Variants in PLEC observed in about 807,000 individuals in gnomAD.
PLEC encodes the protein plectin, also known as hemidesmosomal protein 1.
Under a neutral mutation model 392.8 loss-of-function variants are expected in PLEC, and 216 were observed. That is an observed-to-expected ratio of 0.55 (90% CI 0.49 to 0.62). PLEC has a LOEUF of 0.62. Ranked by LOEUF, PLEC falls within the 20% of genes least tolerant of loss-of-function variation. The probability of loss-of-function intolerance (pLI) is 0.00; values close to 1 mark genes in which losing one functional copy is unlikely to be tolerated. For missense variants in PLEC, 6,863 were observed against 6,563.4 expected (o/e 1.05, Z -1.58); for synonymous variants, 3,621 against 2,980.6 (o/e 1.21, Z -7.00).
At chr8:143,944,986 G>A (rs1831229176) in intron 1 of PLEC, among the ~76,000 whole-genome samples, 1 of 148,390 alleles carries the variant, frequency 6.7e-6, no homozygotes, top group Non-Finnish European at 1.5e-5. Context: ...GCTCCCACAG[G>A]GGGTTCTAAT....
At position 143,932,728 on chromosome 8, in the gene PLEC, C is replaced by G. The variant is rs782718466; in HGVS notation, c.1738-16G>C. On this transcript the variant is annotated splice_polypyrimidine_tract_variant and intron_variant, in intron 14 of 31. Coordinates refer to ENST00000345136, the MANE Select transcript of PLEC (RefSeq NM_201384.3). ...AGAGCTGGCCCTGCAACAGATGAGA[C>G]GGTGAGGTCTGCAGTGGCTGGGCCC... 2.5e-6 allele frequency: 4 copies of G among 1,607,416 alleles called. No individual in the cohort carries two copies. In the South Asian group the frequency reaches 4.4e-5, roughly 18 times the overall value.
At position 143,919,914 on chromosome 8, in the gene PLEC, G is replaced by C; in HGVS notation, c.9907C>G (p.Leu3303Val). The C allele has an allele frequency of 6.2e-7, 1 of 1,613,174 alleles. No individual in the cohort carries two copies. Among genetic ancestry groups the C allele is most frequent in the South Asian group, 1.1e-5 (1 of 91,092 alleles). The change falls in exon 32 of 32, where the codon CTG (leucine) becomes GTG (valine). Residue 3303 changes from leucine to valine, a missense_variant. By Grantham distance (32) the Leu-to-Val change is conservative. Coordinates refer to ENST00000345136, the MANE Select transcript of PLEC (RefSeq NM_201384.3). ...EEVETLRQER[L>V]SFSGLRAPVP... ...GGGGCACGGAGGCCGCTGAAGGACAGCCTCTCCTGCCGCAGGGTCTCCACC... is the reference window on the plus strand; with the variant it reads ...GGGGCACGGAGGCCGCTGAAGGACACCCTCTCCTGCCGCAGGGTCTCCACC...
chr8:143,952,478 GAAC>G (rs1286769562), upstream of PLEC, among the ~76,000 whole-genome samples: 75 of 152,234 alleles, frequency 4.9e-4, no homozygotes, highest in African/African-American at 1.8e-3. Context: ...GTGGCTTTGG[GAAC>G]AACACCAGCT....
chr8:143,972,256 C>T (rs782751551), intron 1 of PLEC, among the ~76,000 whole-genome samples: 20 of 152,184 alleles, frequency 1.3e-4, no homozygotes, highest in African/African-American at 3.9e-4. Flanking sequence ...AAGGCAGGGC[C>T]GGCCATGTAG....
rs1554721382 is a variant in PLEC at position 143,934,795 on chromosome 8, C to T, written c.945+15G>A. 1.2e-6 allele frequency: 2 copies of T among 1,611,568 alleles called. No homozygotes were observed. The highest frequency in any genetic ancestry group is 8.5e-7 in the Non-Finnish European group (1 of 1,179,832). The stretch of plus-strand genomic sequence containing the variant: ...CAGGGCAGGCCCAGGACCCCGCCCC[C>T]CACGGCAGGCCCACCTCAATCTCCT... On this transcript the variant is annotated intron_variant, in intron 9 of 31. Coordinates refer to ENST00000345136, the MANE Select transcript of PLEC (RefSeq NM_201384.3).
intron 19 of PLEC, among the ~76,000 whole-genome samples, 188 bp from the exon 20 acceptor site, chr8:143,930,724 C>T (rs1456737135): frequency 6.6e-6 from 1 of 152,094 alleles, no homozygotes; most frequent in Admixed American, 6.5e-5. Context: ...TGCACCCTCG[C>T]TCCTTCCCAA....
In PLEC at chr8:143,917,597, T is replaced by C; in HGVS notation, c.12224A>G (p.Glu4075Gly). 6.2e-7 allele frequency: 1 copy of C among 1,613,792 alleles called. No homozygotes were observed. Among genetic ancestry groups the C allele is most frequent in the Non-Finnish European group, 8.5e-7 (1 of 1,179,996 alleles). ...VAYKRGLFDE[E>G]MNEILTDPSD... The stretch of plus-strand genomic sequence containing the variant: ...GGGGTCGGTCAGGATCTCGTTCATC[T>C]CCTCATCGAAGAGGCCGCGCTTGTA... The change falls in exon 32 of 32, where the codon GAG becomes GGG. Residue 4075 changes from glutamate to glycine, a missense_variant. By Grantham distance (98) the Glu-to-Gly change is moderately conservative. Transcript: ENST00000345136.
At chr8:143,949,034 G>A (rs1225236820) in intron 1 of PLEC, among the ~76,000 whole-genome samples, 11 of 152,184 alleles carry the variant, frequency 7.2e-5, no homozygotes, top group Non-Finnish European at 1.5e-4. Context: ...AGCCAGGAGG[G>A]GAGGCCAGCC....
At position 143,919,542 on chromosome 8, in the gene PLEC, G is replaced by A; in HGVS notation, c.10279C>T (p.Leu3427=). The A allele has an allele frequency of 6.2e-7, 1 of 1,610,530 alleles. No homozygotes were observed. The highest frequency in any genetic ancestry group is 8.5e-7 in the Non-Finnish European group (1 of 1,179,322). ...CCGGTGACGGCCTTCTCGGCAGACA[G>A]CAGCTGCTCGTGAAGCTCGGGGCCC... The part of the protein sequence containing the change: ...VVGPELHEQL[L]SAEKAVTGYR... Residue 3427 remains leucine, a synonymous_variant, in exon 32 of 32, where the codon CTG becomes TTG. Transcript: ENST00000345136.
At chr8:143,931,874 G>A in intron 18 of PLEC, 63 bp downstream of exon 18, 1 of 1,479,202 alleles carries the variant, frequency 6.8e-7, no homozygotes, top group Non-Finnish European at 9.3e-7. Flanking sequence ...GCTGCCGAGG[G>A]GGTCCAGGGG....
At chr8:143,949,797 C>G (rs368906688) in intron 1 of PLEC, among the ~76,000 whole-genome samples, 1 of 152,218 alleles carries the variant, frequency 6.6e-6, no homozygotes, top group South Asian at 2.1e-4. Context: ...CACACCCAAC[C>G]GGCGCCAGCA....
Position 143,923,694 on chromosome 8 carries a change from G to T in PLEC, c.6235C>A (p.Leu2079Met). The T allele has an allele frequency of 6.5e-7, 1 of 1,545,924 alleles. No individual in the cohort carries two copies. The highest frequency in any genetic ancestry group is 8.7e-7 in the Non-Finnish European group (1 of 1,151,826). ...CGGGCCGCCTCCGCCTCGCCGCGCAGCTGGTCCAGCACGCTCTGCTCCTGC... is the reference window on the plus strand; with the variant it reads ...CGGGCCGCCTCCGCCTCGCCGCGCATCTGGTCCAGCACGCTCTGCTCCTGC... ...LQQEQSVLDQ[L>M]RGEAEAARRA... The change falls in exon 31 of 32, where the codon CTG (leucine) becomes ATG (methionine). Residue 2079 changes from leucine (L) to methionine (M), a missense_variant. Coordinates refer to ENST00000345136, the MANE Select transcript of PLEC (RefSeq NM_201384.3).
rs1554712392 is a variant in PLEC at position 143,929,930 on chromosome 8, G to A, written c.2739+6C>T. 1.2e-6 allele frequency: 2 copies of A among 1,609,020 alleles called. No individual in the cohort carries two copies. The highest frequency in any genetic ancestry group is 1.7e-5 in the Admixed American group (1 of 59,894). On this transcript the variant is annotated splice_donor_region_variant and intron_variant, in intron 22 of 31. Coordinates refer to ENST00000345136, the MANE Select transcript of PLEC (RefSeq NM_201384.3). Reference sequence around the variant, plus strand: ...CAGAGAGCCCCCGGCTCGGGGGCAGGCGTACCGTGGCCAGGGACCAGGAGC... The same window carrying A: ...CAGAGAGCCCCCGGCTCGGGGGCAGACGTACCGTGGCCAGGGACCAGGAGC...
rs549098011 is a variant in PLEC at position 143,924,903 on chromosome 8, G to A, written c.5026C>T (p.Arg1676Cys). The A allele has an allele frequency of 1.2e-4, 195 of 1,587,400 alleles. No individual in the cohort carries two copies. Among genetic ancestry groups the A allele is most frequent in the South Asian group, 1.1e-3 (102 of 89,436 alleles). ...ACGGCCTGCTCCTCCGCCTTGCCGC[G>A]CCGCCGCGCCTCGCGCTCCGCCTCC... ...KEEAEREARR[R>C]GKAEEQAVRQ... The change falls in exon 31 of 32, where the codon CGC (arginine) becomes TGC (cysteine). Residue 1676 changes from arginine (R) to cysteine (C), a missense_variant. Arg to Cys is a radical substitution (Grantham distance 180). Transcript: ENST00000345136.
rs1827879849 is a variant in PLEC, at chr8:143,933,100, A to G, written c.1430T>C (p.Leu477Pro). 1 of 1,594,110 alleles carries G rather than the reference A, an allele frequency of 6.3e-7. No homozygotes were observed. Among genetic ancestry groups the G allele is most frequent in the Non-Finnish European group, 8.5e-7 (1 of 1,173,024 alleles). The change falls in exon 14 of 32, where the codon CTG becomes CCG. Residue 477 changes from leucine (L) to proline (P), a missense_variant. Coordinates refer to ENST00000345136, the MANE Select transcript of PLEC (RefSeq NM_201384.3). ...GCGGATGGCTACCAGGCGCTCGTGC[A>G]GACGGTACACCCTGGGGCAGCAGAG... ...GEQMYRRVYR[L>P]HERLVAIRTE...
At position 143,969,228 on chromosome 8, in the gene PLEC, C is replaced by G. The variant is rs1833286555; in HGVS notation, c.70+4175G>C. Among the ~76,000 whole-genome samples the G allele has an allele frequency of 6.6e-6, 1 of 152,228 alleles. No individual in the cohort carries two copies. The highest frequency in any genetic ancestry group is 2.1e-4 in the South Asian group (1 of 4,836). On this transcript the variant is annotated intron_variant, in intron 1 of 31. Transcript: ENST00000356346. The surrounding 1 kb of genome is among the most constrained non-coding windows in gnomAD (Gnocchi z 5.1). ...GCGATGTGAGCAGCCCTGACAGCGT[C>G]CCGGCAAGTCGAAGAGGCCAGACCC...
In PLEC at chr8:143,924,540, G is replaced by A. The variant is rs782175669; in HGVS notation, c.5389C>T (p.Arg1797Cys). The change falls in exon 31 of 32, where the codon CGC (arginine) becomes TGC (cysteine). Residue 1797 changes from arginine to cysteine, a missense_variant. Arg to Cys is a radical substitution (Grantham distance 180). Transcript: ENST00000345136. ...CGGGCGGCCTCCTCGGCCAGCTCGC[G>A]GAACCGGCCGGCCTCGGCCTCCAGC... Reference protein sequence around the residue: ...QRLEAEAGRFRELAEEAARLR... With the variant: ...QRLEAEAGRFCELAEEAARLR... 29 of 1,539,098 alleles carry A rather than the reference G, an allele frequency of 1.9e-5. No individual in the cohort carries two copies. Among genetic ancestry groups the A allele is most frequent in the Middle Eastern group, 3.5e-4 (2 of 5,790 alleles).
Position 143,916,230 on chromosome 8 carries a change from A to C in PLEC, c.13591T>G (p.Tyr4531Asp). The C allele has an allele frequency of 6.5e-7, 1 of 1,546,270 alleles. No individual in the cohort carries two copies. The highest frequency in any genetic ancestry group is 1.2e-5 in the South Asian group (1 of 84,312). ...SYSSSGYGRRYASGSSASLGG... is the reference protein window; with the variant it reads ...SYSSSGYGRRDASGSSASLGG... Reference sequence around the variant, plus strand: ...AGGGAGGCCGAGGACCCCGAGGCGTAGCGGCGGCCGTAGCCCGAGGAGGAG... The same window carrying C: ...AGGGAGGCCGAGGACCCCGAGGCGTCGCGGCGGCCGTAGCCCGAGGAGGAG... Residue 4531 changes from tyrosine to aspartate, a missense_variant, in exon 32 of 32, where the codon TAC (tyrosine) becomes GAC (aspartate). Tyr to Asp is a radical substitution (Grantham distance 160). Transcript: ENST00000345136.
In PLEC at chr8:143,923,783, G is replaced by A. The variant is rs782448792; in HGVS notation, c.6146C>T (p.Ala2049Val). 37 of 1,573,178 alleles carry A rather than the reference G, an allele frequency of 2.4e-5. No individual in the cohort carries two copies. The highest frequency in any genetic ancestry group is 7.0e-5 in the East Asian group (3 of 43,050). Residue 2049 changes from alanine (A) to valine (V), a missense_variant, in exon 31 of 32, where the codon GCG becomes GTG. By Grantham distance (64) the Ala-to-Val change is moderately conservative. Coordinates refer to ENST00000345136, the MANE Select transcript of PLEC (RefSeq NM_201384.3). ...AQEAAQKRLQ[A>V]EEKAHAFAVQ... ...CGCGAAGGCGTGTGCCTTCTCTTCC[G>A]CCTGCAGCCGCTTCTGGGCGGCCTC...
Sources: gnomAD v4.1 joint callset for allele counts (sites outside exome capture counted in the v4.1 genomes callset) on GRCh38, gnomAD v4.1.1 for gene constraint, Gnocchi (gnomAD v3.1) non-coding constraint, MANE v1.5 for transcripts, NCBI Gene and HGNC (gene_info 2026-07-23, HGNC 2026-07-21) for gene names.